The following COQ6 variants were observed in gnomAD, a reference collection of about 807,000 sequenced individuals.
COQ6 encodes the protein coenzyme Q6, monooxygenase.
In COQ6, 45 loss-of-function variants were observed where a neutral mutation model predicts 55.5. The ratio of observed to expected loss-of-function variants is 0.81; its 90% CI spans 0.64 to 1.04. COQ6 has a LOEUF of 1.04. Ranked by LOEUF, COQ6 falls within the 50% of genes least tolerant of loss-of-function variation. The pLI is 0.00. For missense variants in COQ6, 550 were observed against 601.3 expected (o/e 0.91, Z 0.89); for synonymous variants, 206 against 230.5 (o/e 0.89, Z 0.96).
intron 4 of COQ6, 192 bp downstream of exon 4, chr14:73,956,120 G>C (rs962144865): frequency 4.1e-5 from 25 of 612,370 alleles, no homozygotes; most frequent in Non-Finnish European, 5.2e-5. Context: ...GTCAGGAGAT[G>C]GAGACCATCC....
At chr14:73,955,538 A>G in intron 3 of COQ6, 29 bp downstream of exon 3, 2 of 1,604,582 alleles carry the variant, frequency 1.2e-6, no homozygotes, top group Non-Finnish European at 1.7e-6. Context: ...AATTTTGTCA[A>G]GATGTCTTGG....
intron 5 of COQ6, 37 bp from the exon 6 acceptor site, chr14:73,958,934 A>C: frequency 6.2e-7 from 1 of 1,612,336 alleles, no homozygotes; most frequent in Non-Finnish European, 8.5e-7. Flanking sequence ...GTTTATGAAG[A>C]GGCTGGAAGA....
chr14:73,949,996 CG>C, upstream of COQ6: 1 of 1,613,358 alleles, frequency 6.2e-7, no homozygotes. Context: ...TCCGCGCCTC[CG>C]GGGGCTCCCT....
At chr14:73,953,860 G>A in intron 2 of COQ6, 1 of 499,494 alleles carries the variant, frequency 2.0e-6, no homozygotes, top group Non-Finnish European at 3.6e-6. Context: ...GAAATCATAT[G>A]AACTAATCAT....
intron 4 of COQ6, chr14:73,956,158 AC>A (rs2056425550): frequency 2.2e-6 from 1 of 444,854 alleles, no homozygotes. Flanking sequence ...CCCTGTCTCT[AC>A]TAAAAATACA....
Position 73,958,967 on chromosome 14 carries a change from G to T in COQ6, c.613-4G>T. On this transcript the variant is annotated splice_polypyrimidine_tract_variant and splice_region_variant and intron_variant, in intron 5 of 11. Transcript: ENST00000334571. ...AGACTTAGCAGGCTCATGTGTCCAT[G>T]CAGATAGGTGCAGATGGTCACAACT... 6.2e-7 allele frequency: 1 copy of T among 1,613,672 alleles called. No homozygotes were observed. The highest frequency in any genetic ancestry group is 8.5e-7 in the Non-Finnish European group (1 of 1,180,020).
At position 73,950,433 on chromosome 14, in the gene COQ6, CCGTGTATGA is replaced by C; in HGVS notation, c.106_114del (p.Tyr36_Val38del). 6.2e-7 allele frequency: 1 copy of C among 1,607,862 alleles called. No individual in the cohort carries two copies. Among genetic ancestry groups the C allele is most frequent in the Non-Finnish European group, 8.5e-7 (1 of 1,177,440 alleles). On this transcript the variant is annotated inframe_deletion, in exon 1 of 12. Coordinates refer to ENST00000334571, the MANE Select transcript of COQ6 (RefSeq NM_182476.3). ...AGGTGGTCCGGCGCCTCAACAGACA[CCGTGTATGA>C]CGTGGTGGTGTCGGGTGGAGGCCTG...
At chr14:73,958,469 A>ATG in intron 5 of COQ6, 192 bp downstream of exon 5, 1 of 1,442,582 alleles carries the variant, frequency 6.9e-7, no homozygotes, top group Non-Finnish European at 9.1e-7. Context: ...GAGCAATCTC[A>ATG]TGGGCCGTCT....
At chr14:73,961,405 C>G (rs1236055814) in intron 9 of COQ6, 30 bp downstream of exon 9, 1 of 1,614,076 alleles carries the variant, frequency 6.2e-7, no homozygotes, top group Non-Finnish European at 8.5e-7. Context: ...GGGCCACTCC[C>G]TTCTCACTTT....
chr14:73,960,979 C>T (rs2056695319), intron 8 of COQ6, 194 bp from the exon 9 acceptor site: 1 of 707,342 alleles, frequency 1.4e-6, no homozygotes, highest in South Asian at 1.7e-5. Context: ...TACAGTTTGG[C>T]TAGATCTTAA....
chr14:73,959,954 A>T (rs1259004981), intron 8 of COQ6: 1 of 1,122,328 alleles, frequency 8.9e-7, no homozygotes, highest in Non-Finnish European at 1.1e-6. Flanking sequence ...GGTCTAGATT[A>T]TGTGGAGGAG....
At chr14:73,950,532 G>A in intron 1 of COQ6, 37 bp downstream of exon 1, 2 of 1,570,452 alleles carry the variant, frequency 1.3e-6, no homozygotes, top group Admixed American at 3.6e-5. Flanking sequence ...GCCGGAAACC[G>A]GGCCGCGGAG....
rs1199776394 is a variant in COQ6, at chr14:73,950,378, C to T, written c.46C>T (p.Pro16Ser). The T allele has an allele frequency of 6.4e-7, 1 of 1,568,422 alleles. No homozygotes were observed. The highest frequency in any genetic ancestry group is 1.4e-5 in the African/African-American group (1 of 73,920). Residue 16 changes from proline to serine, a missense_variant, in exon 1 of 12, where the codon CCC (proline) becomes TCC (serine). Pro to Ser is a moderately conservative substitution (Grantham distance 74). Coordinates refer to ENST00000334571, the MANE Select transcript of COQ6 (RefSeq NM_182476.3). ...VSRCGAVRAAPHSGPLVSWRR... is the reference protein window; with the variant it reads ...VSRCGAVRAASHSGPLVSWRR... ...CCGATGCGGGGCTGTGCGTGCAGCT[C>T]CCCACAGCGGCCCGCTGGTGTCCTG...
At chr14:73,961,978 G>A in intron 11 of COQ6, 75 bp downstream of exon 11, 1 of 1,552,000 alleles carries the variant, frequency 6.4e-7, no homozygotes, top group South Asian at 1.1e-5. Context: ...ACAGAGTCTT[G>A]GTCTTATCGC....
chr14:73,956,921 ATATAT>A (rs1358621923), intron 4 of COQ6: 1 of 152,072 alleles, frequency 6.6e-6, no homozygotes, highest in Non-Finnish European at 1.5e-5. Flanking sequence ...TTGTTCCATA[ATATAT>A]TGGGTCATAT....
At chr14:73,960,687 G>A (rs891426840) in intron 8 of COQ6, 12 of 701,832 alleles carry the variant, frequency 1.7e-5, no homozygotes, top group Admixed American at 9.9e-5. Flanking sequence ...AAGGAAGACC[G>A]TAAATGACAA....
rs200558787 is a variant in COQ6 at position 73,953,423 on chromosome 14, TC to T, written c.164-11del. 1,381 of 1,558,920 alleles carry T rather than the reference TC, an allele frequency of 8.9e-4. No homozygotes were observed. The highest frequency in any genetic ancestry group is 1.1e-3 in the East Asian group (48 of 42,332). On this transcript the variant is annotated splice_polypyrimidine_tract_variant and intron_variant, in intron 1 of 11. Transcript: ENST00000334571. ...GATTTTCCTAAGATGATATAAATTTTCTTTTTTTAAGGATATGATATTCACT... is the reference window on the plus strand; with the variant it reads ...GATTTTCCTAAGATGATATAAATTTTTTTTTTTAAGGATATGATATTCACT...
At chr14:73,950,264 GCT>G (rs1566679196), upstream of COQ6, 1 of 1,538,846 alleles carries the variant, frequency 6.5e-7, no homozygotes, top group Non-Finnish European at 8.7e-7. Context: ...GGATTGGAGT[GCT>G]CTGCTCCGGA....
At chr14:73,955,026 A>G (rs1482707011) in intron 2 of COQ6, among the ~76,000 whole-genome samples, 1 of 137,118 alleles carries the variant, frequency 7.3e-6, no homozygotes, top group East Asian at 2.3e-4. Context: ...ATCTCGGCTC[A>G]CTGCAAGCTC....
Sources: allele counts gnomAD v4.1 joint callset (sites outside exome capture counted in the v4.1 genomes callset), GRCh38; gene constraint gnomAD v4.1.1; transcripts MANE v1.5; gene names NCBI Gene and HGNC (gene_info 2026-07-23, HGNC 2026-07-21).